The following ANO3 variants were observed in gnomAD, a reference collection of about 807,000 sequenced individuals.
ANO3 encodes anoctamin 3.
In ANO3, 99 loss-of-function variants were observed where a neutral mutation model predicts 144.8. The observed-to-expected ratio is 0.68, with a 90% CI of 0.58 to 0.81. The LOEUF is 0.81. Ranked by LOEUF, ANO3 falls within the 30% of genes least tolerant of loss-of-function variation. ANO3 has a pLI of 0.00. For missense variants in ANO3, 905 were observed against 1,202.2 expected, an observed-to-expected ratio of 0.75 and a Z score of 3.66; for synonymous variants, 414 against 392.6, an observed-to-expected ratio of 1.05 and a Z score of -0.64.
intron 23 of ANO3, among the ~76,000 whole-genome samples, chr11:26,646,969 A>C (rs758021930): frequency 2.0e-5 from 3 of 152,274 alleles, no homozygotes; most frequent in Non-Finnish European, 4.4e-5. Context: ...ACTTCATAAA[A>C]ATTTTGAAAT....
chr11:26,269,888 G>A (rs1367706794), intron 1 of ANO3, among the ~76,000 whole-genome samples: 1 of 152,146 alleles, frequency 6.6e-6, no homozygotes, highest in African/African-American at 2.4e-5. Flanking sequence ...GGGTCTTTAA[G>A]GGGTAATTAA....
At chr11:26,378,536 G>T (rs1856481902) in intron 1 of ANO3, among the ~76,000 whole-genome samples, 1 of 151,400 alleles carries the variant, frequency 6.6e-6, no homozygotes. Context: ...AAATTAAAAA[G>T]TAAAAGGAGA....
At chr11:26,651,840 A>C (rs1433461481) in intron 24 of ANO3, among the ~76,000 whole-genome samples, 1 of 152,218 alleles carries the variant, frequency 6.6e-6, no homozygotes, top group African/African-American at 2.4e-5. Context: ...TCAATTCTTT[A>C]GTCATTATGA....
chr11:26,362,643 A>G (rs1855958327), intron 1 of ANO3, among the ~76,000 whole-genome samples: 2 of 152,184 alleles, frequency 1.3e-5, no homozygotes, highest in African/African-American at 2.4e-5. Context: ...AAATTAGTTC[A>G]TCTTCTAAAC....
chr11:26,384,846 C>G (rs1418422376), intron 1 of ANO3, among the ~76,000 whole-genome samples: 1 of 152,196 alleles, frequency 6.6e-6, no homozygotes, highest in Non-Finnish European at 1.5e-5. Flanking sequence ...ACTGGACAAG[C>G]CTAATTCTGT....
intron 1 of ANO3, among the ~76,000 whole-genome samples, chr11:26,415,748 T>C (rs888087867): frequency 9.2e-5 from 14 of 152,102 alleles, no homozygotes; most frequent in African/African-American, 3.4e-4. Flanking sequence ...GCCAGGCACA[T>C]GTTCTCTTTT....
intron 1 of ANO3, among the ~76,000 whole-genome samples, chr11:26,313,511 C>G (rs1903453): frequency 0.24 from 35,923 of 151,798 alleles, 5,158 homozygotes; most frequent in Middle Eastern, 0.32. Context: ...ATGGTGAAAC[C>G]CTGTCTCTAC....
chr11:26,516,830 G>C lies in ANO3; in HGVS notation c.595G>C (p.Ala199Pro). ...CCTATCTTACTATCATTTGCAGCCA[G>C]CTATTGCAAGCCCCGATATCATGTT... ...AEGLMLEKEP[A>P]IASPDIMFIK... The change falls in exon 6 of 27, where the codon GCT becomes CCT. Residue 199 changes from alanine (A) to proline (P), a missense_variant. Coordinates refer to ENST00000256737, the MANE Select transcript of ANO3 (RefSeq NM_031418.4). 1 of 1,607,558 alleles carries C rather than the reference G, an allele frequency of 6.2e-7. No individual in the cohort carries two copies. Among genetic ancestry groups the C allele is most frequent in the Non-Finnish European group, 8.5e-7 (1 of 1,175,206 alleles).
chr11:26,365,967 TA>T (rs1564984745), intron 1 of ANO3, among the ~76,000 whole-genome samples: 13 of 1,638 alleles, frequency 7.9e-3, no homozygotes, highest in African/African-American at 0.01. Flanking sequence ...TATATATATA[TA>T]TATATATATA....
At chr11:26,634,910 G>T in intron 19 of ANO3, 103 bp from the exon 20 acceptor site, 1 of 846,820 alleles carries the variant, frequency 1.2e-6, no homozygotes, top group South Asian at 1.6e-5. Flanking sequence ...TTGCACCAGT[G>T]AGCGTTTATG....
intron 1 of ANO3, among the ~76,000 whole-genome samples, chr11:26,249,002 C>T (rs10834933): frequency 0.35 from 53,728 of 151,966 alleles, 9,643 homozygotes; most frequent in South Asian, 0.39. Flanking sequence ...GTGGAAATAT[C>T]GTCTTCCACA....
At chr11:26,205,833 T>C (rs1178132336) in intron 1 of ANO3, among the ~76,000 whole-genome samples, 1 of 152,198 alleles carries the variant, frequency 6.6e-6, no homozygotes, top group African/African-American at 2.4e-5. Context: ...TTCATGAGTG[T>C]CCTCTAATGG....
At chr11:26,638,587 A>C (rs1052824115) in intron 20 of ANO3, among the ~76,000 whole-genome samples, 4 of 152,214 alleles carry the variant, frequency 2.6e-5, no homozygotes, top group African/African-American at 9.6e-5. Flanking sequence ...GGTGAAATCC[A>C]AAGAGAGCTT....
intron 14 of ANO3, chr11:26,567,258 C>A (rs10466440): frequency 0.12 from 64,922 of 534,152 alleles, 4,087 homozygotes; most frequent in Admixed American, 0.18. Context: ...CTTTTTTTTC[C>A]TCAAGCAATA....
intron 1 of ANO3, among the ~76,000 whole-genome samples, chr11:26,190,389 A>G (rs2133901894): frequency 6.6e-6 from 1 of 152,216 alleles, no homozygotes; most frequent in African/African-American, 2.4e-5. Flanking sequence ...ATTCTTTTAT[A>G]AATTTTCATT....
chr11:26,382,471 A>G (rs1856615736), intron 1 of ANO3, among the ~76,000 whole-genome samples: 1 of 152,132 alleles, frequency 6.6e-6, no homozygotes, highest in Non-Finnish European at 1.5e-5. Context: ...CCACTCTGAT[A>G]ATATCTCAGA....
intron 4 of ANO3, among the ~76,000 whole-genome samples, chr11:26,491,809 C>T (rs1012009575): frequency 6.6e-6 from 1 of 152,086 alleles, no homozygotes; most frequent in Admixed American, 6.5e-5. Context: ...CAAAACAGCA[C>T]AGGATTTAAA....
chr11:26,546,837 T>C (rs184281023), intron 11 of ANO3, among the ~76,000 whole-genome samples: 1 of 152,100 alleles, frequency 6.6e-6, no homozygotes, highest in Admixed American at 6.6e-5. Flanking sequence ...GGAAAAGGAA[T>C]GGAAGAATGA....
chr11:26,570,641 G>T (rs952974711), intron 14 of ANO3, among the ~76,000 whole-genome samples: 2 of 152,034 alleles, frequency 1.3e-5, no homozygotes, highest in Non-Finnish European at 2.9e-5. Flanking sequence ...TATACATTGG[G>T]CTGCCTTTTC....
Sources: gnomAD v4.1 joint callset for allele counts (sites outside exome capture counted in the v4.1 genomes callset) on GRCh38, gnomAD v4.1.1 for gene constraint, MANE v1.5 for transcripts, NCBI Gene and HGNC (gene_info 2026-07-23, HGNC 2026-07-21) for gene names.